PXDNL: variants seen among roughly 807,000 people sequenced by gnomAD.
PXDNL encodes the protein probable oxidoreductase PXDNL.
A neutral mutation model predicts 150.8 loss-of-function variants in PXDNL; 145 were observed. The ratio of observed to expected loss-of-function variants is 0.96; its 90% CI spans 0.84 to 1.10. PXDNL has a LOEUF of 1.10. Among genes scored for constraint, PXDNL ranks in the 50% least tolerant of loss-of-function variants. The probability of loss-of-function intolerance (pLI) is 0.00; values close to 1 mark genes in which losing one functional copy is unlikely to be tolerated. For missense variants in PXDNL, 2,087 were observed against 1,873.9 expected, an observed-to-expected ratio of 1.11 and a Z score of -2.10; for synonymous variants, 757 against 725.7, an observed-to-expected ratio of 1.04 and a Z score of -0.69.
intron 2 of PXDNL, among the ~76,000 whole-genome samples, chr8:51,640,868 T>C (rs1186798739): frequency 6.6e-6 from 1 of 151,800 alleles, no homozygotes; most frequent in Non-Finnish European, 1.5e-5. Context: ...AAAGTTCATA[T>C]GGAACCAAAA....
chr8:51,651,351 A>G (rs763423446), intron 2 of PXDNL, among the ~76,000 whole-genome samples: 7 of 152,232 alleles, frequency 4.6e-5, no homozygotes, highest in Non-Finnish European at 8.8e-5. Flanking sequence ...AAAATGTACA[A>G]AGCAATTATC....
intron 1 of PXDNL, among the ~76,000 whole-genome samples, chr8:51,778,391 T>C (rs2037377635): frequency 6.6e-6 from 1 of 152,216 alleles, no homozygotes; most frequent in Non-Finnish European, 1.5e-5. Flanking sequence ...GGAGGGTGAC[T>C]ACTGGGAAGT....
intron 4 of PXDNL, among the ~76,000 whole-genome samples, chr8:51,556,131 G>T (rs1585577049): frequency 6.6e-6 from 1 of 151,974 alleles, no homozygotes; most frequent in Non-Finnish European, 1.5e-5. Flanking sequence ...AATTAGCTGG[G>T]CATGATGGGG....
At chr8:51,546,003 A>G (rs1279470504) in intron 4 of PXDNL, among the ~76,000 whole-genome samples, 1 of 152,246 alleles carries the variant, frequency 6.6e-6, no homozygotes, top group Admixed American at 6.5e-5. Context: ...GACAGAAGAC[A>G]GGACTAACAT....
intron 4 of PXDNL, among the ~76,000 whole-genome samples, chr8:51,542,095 C>T (rs933565933): frequency 2.0e-5 from 3 of 152,120 alleles, no homozygotes; most frequent in African/African-American, 7.2e-5. Context: ...ACACTTACCA[C>T]CACAATAGTC....
intron 19 of PXDNL, among the ~76,000 whole-genome samples, chr8:51,366,201 A>G (rs28756058): frequency 0.013 from 1,917 of 152,344 alleles, 34 homozygotes; most frequent in African/African-American, 0.044. Context: ...AGATGTCTGG[A>G]CATAGTGAAC....
At chr8:51,751,938 A>G (rs935005790) in intron 1 of PXDNL, among the ~76,000 whole-genome samples, 4 of 152,178 alleles carry the variant, frequency 2.6e-5, no homozygotes, top group African/African-American at 7.2e-5. Context: ...TTGTGGCCCA[A>G]TAACAAGATG....
At chr8:51,536,773 G>T (rs6983450) in intron 4 of PXDNL, among the ~76,000 whole-genome samples, 5,101 of 152,200 alleles carry the variant, frequency 0.034, 288 homozygotes, top group African/African-American at 0.12. Flanking sequence ...GAAGAGGTCT[G>T]GTCCCCAACA....
chr8:51,333,450 G>A (rs1480505264), intron 21 of PXDNL, among the ~76,000 whole-genome samples: 1 of 152,062 alleles, frequency 6.6e-6, no homozygotes, highest in Non-Finnish European at 1.5e-5. Context: ...AAAAAACAAA[G>A]TATGCAGGCA....
intron 1 of PXDNL, among the ~76,000 whole-genome samples, chr8:51,789,593 T>A (rs188455853): frequency 7.5e-4 from 114 of 152,366 alleles, no homozygotes; most frequent in African/African-American, 2.5e-3. Context: ...CTGGTGGCCT[T>A]CCATGACATC....
chr8:51,416,957 A>G (rs73579693), intron 14 of PXDNL, among the ~76,000 whole-genome samples: 7,896 of 152,248 alleles, frequency 0.052, 682 homozygotes, highest in African/African-American at 0.18. Flanking sequence ...GAGTAAACTA[A>G]AACTAACTCT....
intron 21 of PXDNL, among the ~76,000 whole-genome samples, chr8:51,324,391 A>G (rs1261792077): frequency 6.6e-6 from 1 of 152,166 alleles, no homozygotes; most frequent in Non-Finnish European, 1.5e-5. Context: ...GCATTCAAGC[A>G]TTCACCATTC....
intron 12 of PXDNL, chr8:51,435,994 C>T: frequency 1.9e-6 from 1 of 525,912 alleles, no homozygotes; most frequent in Non-Finnish European, 3.9e-6. Context: ...CTTTATGTAG[C>T]TTTCAAATTC....
chr8:51,685,958 A>T (rs1476783742), intron 1 of PXDNL, among the ~76,000 whole-genome samples: 5 of 152,242 alleles, frequency 3.3e-5, no homozygotes, highest in Non-Finnish European at 7.3e-5. Context: ...AAGTAACATG[A>T]TATATTTTAG....
intron 21 of PXDNL, among the ~76,000 whole-genome samples, chr8:51,325,781 G>T (rs1270722459): frequency 6.6e-6 from 1 of 152,166 alleles, no homozygotes; most frequent in Non-Finnish European, 1.5e-5. Context: ...TTCTCGGACA[G>T]CAGCCTCAAG....
chr8:51,722,864 G>A (rs747202705), intron 1 of PXDNL, among the ~76,000 whole-genome samples: 40 of 152,028 alleles, frequency 2.6e-4, no homozygotes, highest in Non-Finnish European at 4.9e-4. Flanking sequence ...AAATAGGAGT[G>A]CCTGTTCTCA....
chr8:51,698,865 T>C (rs1181439562), intron 1 of PXDNL, among the ~76,000 whole-genome samples: 1 of 152,260 alleles, frequency 6.6e-6, no homozygotes. Context: ...AATCTCCTTG[T>C]ACATCTCCAT....
rs559318282 is a variant in PXDNL at position 51,527,147 on chromosome 8, T to C, written c.381-27377A>G. ...TATTTCTTGAAGAGTTGCCAGAATA[T>C]CTTCCCAAAATGAAAGTCTGTCCTC... is the stretch of plus-strand genomic sequence containing the variant. On this transcript the variant is annotated intron_variant, in intron 4 of 22. Transcript: ENST00000356297. 3.9e-5 allele frequency among the ~76,000 whole-genome samples: 6 copies of C among 152,326 alleles called. No homozygotes were observed. In the East Asian group the frequency reaches 1.2e-3, roughly 29 times the overall value.
chr8:51,708,470 A>G (rs768198228), intron 1 of PXDNL, among the ~76,000 whole-genome samples: 11 of 152,268 alleles, frequency 7.2e-5, no homozygotes, highest in African/African-American at 9.6e-5. Flanking sequence ...GAATAATGTA[A>G]AAGAAACAGA....
Sources: allele counts gnomAD v4.1 joint callset (sites outside exome capture counted in the v4.1 genomes callset), GRCh38; gene constraint gnomAD v4.1.1; transcripts MANE v1.5; gene names NCBI Gene and HGNC (gene_info 2026-07-23, HGNC 2026-07-21).